Variants in GCN1 observed in about 807,000 individuals in gnomAD.
The protein encoded by GCN1 is GCN1 activator of EIF2AK4.
Under a neutral mutation model 288.4 loss-of-function variants are expected in GCN1, and 90 were observed. That is an observed-to-expected ratio of 0.31 (90% CI 0.26 to 0.37). The LOEUF is 0.37. Among genes scored for constraint, GCN1 ranks in the 10% least tolerant of loss-of-function variants. The pLI, the probability that GCN1 is intolerant of heterozygous loss-of-function variation, is 1.00. For missense variants in GCN1, 2,586 were observed against 3,419.9 expected, an observed-to-expected ratio of 0.76 and a Z score of 6.08; for synonymous variants, 1,386 against 1,420.2, an observed-to-expected ratio of 0.98 and a Z score of 0.54.
chr12:120,163,345 C>T (rs1237323624), intron 18 of GCN1, 86 bp from the exon 19 acceptor site: 2 of 1,088,556 alleles, frequency 1.8e-6, no homozygotes, highest in Non-Finnish European at 2.7e-6. Context: ...GACACAGCGG[C>T]CCCTCACTCA....
chr12:120,169,051 A>G (rs1389842387), intron 15 of GCN1, among the ~76,000 whole-genome samples: 13 of 152,098 alleles, frequency 8.5e-5, no homozygotes, highest in Admixed American at 2.6e-4. Context: ...ATCCCAGCAC[A>G]TTGGGAGGCT....
At chr12:120,131,394 G>T in intron 54 of GCN1, 61 bp from the exon 55 acceptor site, 1 of 1,553,776 alleles carries the variant, frequency 6.4e-7, no homozygotes, top group Non-Finnish European at 8.8e-7. Context: ...CAGCACCCAT[G>T]AGGCCCATGG....
Position 120,158,085 on chromosome 12 carries a change from C to A in GCN1, c.2906-55G>T. The A allele has an allele frequency of 1.9e-6, 3 of 1,548,868 alleles. No homozygotes were observed. The highest frequency in any genetic ancestry group is 2.7e-6 in the Non-Finnish European group (3 of 1,128,506). On this transcript the variant is annotated intron_variant, in intron 25 of 57. Transcript: ENST00000300648. This position sits in a 1 kb window ranked among gnomAD's most constrained non-coding sequence, Gnocchi z 4.3. ...GCAGGCAGGGCAGGGACCCGGGCCA[C>A]TGCTGCCTATTTCTATCCTCAGGGA...
Position 120,137,994 on chromosome 12 carries a change from C to T in GCN1, c.6300G>A (p.Val2100=), listed in dbSNP as rs1877067355. The T allele has an allele frequency of 6.2e-7, 1 of 1,614,020 alleles. No individual in the cohort carries two copies. Among genetic ancestry groups the T allele is most frequent in the Admixed American group, 1.7e-5 (1 of 60,004 alleles). ...NTRVLAFLSS[V]AGDALTRHLG... is the part of the protein sequence containing the mutation. The stretch of plus-strand genomic sequence containing the variant: ...GATGACGGGTGAGGGCATCACCAGC[C>T]ACTGACGAAAGGAAAGCCAGCACCC... Residue 2100 remains valine, a synonymous_variant, in exon 48 of 58, where the codon GTG becomes GTA. Coordinates refer to ENST00000300648, the MANE Select transcript of GCN1 (RefSeq NM_006836.2). This position sits in a 1 kb window ranked among gnomAD's most constrained non-coding sequence, Gnocchi z 5.2.
intron 18 of GCN1, 65 bp downstream of exon 18, chr12:120,164,271 A>G (rs1216522597): frequency 6.9e-7 from 1 of 1,449,708 alleles, no homozygotes; most frequent in East Asian, 2.3e-5. Flanking sequence ...CCAAAACCCC[A>G]CATCGTAAGC....
At chr12:120,175,126 CAAAAA>C (rs58560211) in intron 12 of GCN1, 31 bp downstream of exon 12, 3,619 of 1,056,586 alleles carry the variant, frequency 3.4e-3, no homozygotes, top group East Asian at 5.7e-3. Context: ...GACTTTCTCT[CAAAAA>C]AAAAAAAAAA....
intron 5 of GCN1, among the ~76,000 whole-genome samples, chr12:120,182,858 T>G (rs1878705937): frequency 6.7e-6 from 1 of 149,838 alleles, no homozygotes; most frequent in African/African-American, 2.5e-5. Context: ...GAGAAACGCT[T>G]GAACCCAGGA....
chr12:120,163,074 G>A lies in GCN1; in HGVS notation c.2034C>T (p.Ser678=), dbSNP rs749246161. The part of the protein sequence containing the change: ...QEMLIISHHP[S]LVAVQSGLWP... Reference sequence around the variant, plus strand: ...ACACCCACCGCAGCCACGGACCTAAGGATGGGTGGTGGGAGATGATCAGCA... The same window carrying A: ...ACACCCACCGCAGCCACGGACCTAAAGATGGGTGGTGGGAGATGATCAGCA... Residue 678 remains serine, a synonymous_variant, in exon 19 of 58, where the codon TCC becomes TCT. Transcript: ENST00000300648. 1.2e-4 allele frequency: 194 copies of A among 1,614,040 alleles called. 1 individual carries two copies. Among genetic ancestry groups the A allele is most frequent in the Non-Finnish European group, 9.3e-6 (11 of 1,179,958 alleles).
intron 2 of GCN1, among the ~76,000 whole-genome samples, chr12:120,188,348 C>A (rs1878887003): frequency 6.7e-6 from 1 of 149,532 alleles, no homozygotes; most frequent in African/African-American, 2.4e-5. Flanking sequence ...GCAGGAGAAT[C>A]ACTTGAACCC....
intron 5 of GCN1, among the ~76,000 whole-genome samples, chr12:120,180,424 G>A (rs920277293): frequency 2.0e-5 from 3 of 151,288 alleles, no homozygotes; most frequent in Non-Finnish European, 4.4e-5. Flanking sequence ...AGACCATCCT[G>A]GCCAACATGG....
rs749887031 is a variant in GCN1, at chr12:120,147,064, C to T, written c.4935G>A (p.Leu1645=). Residue 1645 remains leucine (L), a synonymous_variant, in exon 38 of 58, where the codon CTG becomes CTA. Coordinates refer to ENST00000300648, the MANE Select transcript of GCN1 (RefSeq NM_006836.2). ...GCTGGGCCGCTACCTTCTGGTCTGT[C>T]AGGGAGTACATGTTGCCAATAATCT... ...AAQIIGNMYS[L]TDQKDLAPYL... is the part of the protein sequence containing the mutation. 25 of 1,569,998 alleles carry T rather than the reference C, an allele frequency of 1.6e-5. No individual in the cohort carries two copies. Among genetic ancestry groups the T allele is most frequent in the Non-Finnish European group, 2.2e-5 (25 of 1,151,224 alleles).
In GCN1 at chr12:120,157,925, G is replaced by A; in HGVS notation, c.3011C>T (p.Ala1004Val). 1.2e-6 allele frequency: 2 copies of A among 1,613,878 alleles called. No homozygotes were observed. The highest frequency in any genetic ancestry group is 1.7e-6 in the Non-Finnish European group (2 of 1,179,998). ...HHSEEEEEWM[A>V]QILQILTVQA... Reference sequence around the variant, plus strand: ...GACAGTGAGGATCTGAAGAATCTGGGCCATCCACTCCTCCTCCTCCTCACT... The same window carrying A: ...GACAGTGAGGATCTGAAGAATCTGGACCATCCACTCCTCCTCCTCCTCACT... The change falls in exon 26 of 58, where the codon GCC (alanine) becomes GTC (valine). Residue 1004 changes from alanine to valine, a missense_variant. This residue lies in a region of GCN1 where 153 missense variants were observed against 252.0 expected (regional missense o/e 0.61). Coordinates refer to ENST00000300648, the MANE Select transcript of GCN1 (RefSeq NM_006836.2).
At chr12:120,175,543 A>C (rs1173244382) in intron 11 of GCN1, among the ~76,000 whole-genome samples, 1 of 152,176 alleles carries the variant, frequency 6.6e-6, no homozygotes, top group Non-Finnish European at 1.5e-5. Context: ...CTTAAAAACA[A>C]AAAACCTGAG....
intron 1 of GCN1, among the ~76,000 whole-genome samples, chr12:120,192,581 A>T (rs966866379): frequency 1.3e-5 from 2 of 151,944 alleles, no homozygotes; most frequent in African/African-American, 4.8e-5. Context: ...CAAAAAAAAA[A>T]ATTAGCTGGG....
rs1566305688 is a variant in GCN1 at position 120,153,322 on chromosome 12, C to T, written c.3953G>A (p.Ser1318Asn). 2 of 1,614,218 alleles carry T rather than the reference C, an allele frequency of 1.2e-6. No homozygotes were observed. The highest frequency in any genetic ancestry group is 1.7e-6 in the Non-Finnish European group (2 of 1,180,012). Residue 1318 changes from serine to asparagine, a missense_variant, in exon 33 of 58, where the codon AGT becomes AAT. By Grantham distance (46) the Ser-to-Asn change is conservative (BLOSUM62 1). Coordinates refer to ENST00000300648, the MANE Select transcript of GCN1 (RefSeq NM_006836.2). The surrounding 1 kb of genome is among the most constrained non-coding windows in gnomAD (Gnocchi z 4.4). ...CAGAGAGCCCATCAGGACCACCACA[C>T]TCTGTCGCACAGCATCATAGCTGGC... ...NDASYDAVRQ[S>N]VVVLMGSLAK...
chr12:120,164,522 G>A (rs1878038523), intron 17 of GCN1, 27 bp from the exon 18 acceptor site: 2 of 1,610,886 alleles, frequency 1.2e-6, no homozygotes, highest in Non-Finnish European at 1.7e-6. Flanking sequence ...AGACAGGTCT[G>A]GGGGAAGGCC....
chr12:120,186,182 T>A (rs1445787962), intron 2 of GCN1, among the ~76,000 whole-genome samples: 1 of 151,828 alleles, frequency 6.6e-6, no homozygotes, highest in African/African-American at 2.4e-5. Flanking sequence ...CTCCTAAAAA[T>A]ACAAAAATTA....
At chr12:120,167,332 A>G (rs189220303) in intron 16 of GCN1, among the ~76,000 whole-genome samples, 92 of 149,672 alleles carry the variant, frequency 6.1e-4, no homozygotes, top group African/African-American at 2.3e-3. Context: ...AGCCTGAGCA[A>G]TAAGAACGAA....
chr12:120,159,392 A>T (rs1348975920), intron 24 of GCN1, among the ~76,000 whole-genome samples: 1 of 152,182 alleles, frequency 6.6e-6, no homozygotes, highest in Non-Finnish European at 1.5e-5. Flanking sequence ...AGGCCACCAG[A>T]ACTGCCAGCC....
Sources: gnomAD v4.1 joint callset for allele counts (sites outside exome capture counted in the v4.1 genomes callset) on GRCh38, gnomAD v4.1.1 for gene constraint, gnomAD v4.1.1 regional missense constraint, Gnocchi (gnomAD v3.1) non-coding constraint, MANE v1.5 for transcripts, NCBI Gene and HGNC (gene_info 2026-07-23, HGNC 2026-07-21) for gene names.